Variants in PTPRJ observed in about 807,000 individuals in gnomAD.
PTPRJ encodes protein tyrosine phosphatase receptor type J, also known as receptor-type tyrosine-protein phosphatase eta.
Under a neutral mutation model 141.3 loss-of-function variants are expected in PTPRJ, and 129 were observed. That is an observed-to-expected ratio of 0.91 (90% CI 0.79 to 1.06). The LOEUF (loss-of-function observed/expected upper bound fraction) is 1.06, where lower values mean the gene tolerates loss of function less well. Ranked by LOEUF, PTPRJ falls within the 50% of genes least tolerant of loss-of-function variation. The pLI, the probability that PTPRJ is intolerant of heterozygous loss-of-function variation, is 0.00. For missense variants in PTPRJ, 1,601 were observed against 1,679.7 expected, an observed-to-expected ratio of 0.95 and a Z score of 0.82; for synonymous variants, 610 against 640.5, an observed-to-expected ratio of 0.95 and a Z score of 0.72.
intron 1 of PTPRJ, among the ~76,000 whole-genome samples, chr11:48,001,349 AGTGTGTGTGT>A (rs57503257): frequency 0.017 from 2,229 of 134,776 alleles, 43 homozygotes; most frequent in African/African-American, 0.039. Context: ...ACAGCCCCAA[AGTGTGTGTGT>A]GTGTGTGTGT....
At chr11:48,091,588 C>T (rs375445194) in intron 1 of PTPRJ, among the ~76,000 whole-genome samples, 1 of 152,168 alleles carries the variant, frequency 6.6e-6, no homozygotes, top group African/African-American at 2.4e-5. Flanking sequence ...TTGGCCTTCT[C>T]TAGGGGAAAA....
intron 1 of PTPRJ, among the ~76,000 whole-genome samples, chr11:48,052,351 C>A (rs949917504): frequency 6.6e-6 from 1 of 152,186 alleles, no homozygotes; most frequent in Admixed American, 6.5e-5. Flanking sequence ...ATTGCCTCTC[C>A]CTCGTTAATC....
Position 48,144,726 on chromosome 11 carries a change from A to C in PTPRJ, c.2627A>C (p.Lys876Thr). 6.2e-7 allele frequency: 1 copy of C among 1,614,180 alleles called. No individual in the cohort carries two copies. The highest frequency in any genetic ancestry group is 8.5e-7 in the Non-Finnish European group (1 of 1,179,998). The change falls in exon 13 of 25, where the codon AAG becomes ACG. Residue 876 changes from lysine (K) to threonine (T), a missense_variant. By Grantham distance (78) the Lys-to-Thr change is moderately conservative. Transcript: ENST00000418331. ...VLKYTYEDFKKGASDTYVTYL... is the reference protein window; with the variant it reads ...VLKYTYEDFKTGASDTYVTYL... ...AAATACACGTATGAGGATTTCAAAA[A>C]GGGAGCCTCAGATACTTATGTGACA...
At chr11:48,156,660 C>T (rs1857615184) in intron 21 of PTPRJ, among the ~76,000 whole-genome samples, 1 of 142,076 alleles carries the variant, frequency 7.0e-6, no homozygotes, top group Admixed American at 7.4e-5. Context: ...GTGGTGCGAT[C>T]ATGGCTCACT....
At chr11:48,068,667 G>A (rs754492181) in intron 1 of PTPRJ, among the ~76,000 whole-genome samples, 2 of 152,130 alleles carry the variant, frequency 1.3e-5, no homozygotes, top group East Asian at 1.9e-4. Flanking sequence ...CTGTAGTGAC[G>A]GCAAGAGCTC....
At chr11:48,069,765 T>C (rs1855192745) in intron 1 of PTPRJ, among the ~76,000 whole-genome samples, 1 of 152,186 alleles carries the variant, frequency 6.6e-6, no homozygotes, top group Non-Finnish European at 1.5e-5. Context: ...AATTAATTTG[T>C]TTATGGAAAG....
intron 1 of PTPRJ, among the ~76,000 whole-genome samples, chr11:48,096,577 G>A (rs771442356): frequency 9.6e-5 from 14 of 145,770 alleles, no homozygotes; most frequent in Non-Finnish European, 1.5e-4. Context: ...ATTAAAGAAC[G>A]TCTTCAATTT....
intron 1 of PTPRJ, among the ~76,000 whole-genome samples, chr11:47,995,180 A>T (rs1040338186): frequency 7.9e-5 from 12 of 152,228 alleles, no homozygotes; most frequent in Non-Finnish European, 1.5e-4. Flanking sequence ...AGCTCTGAAC[A>T]TATAATCTGG....
chr11:48,170,611 C>G lies in PTPRJ; in HGVS notation c.*3249C>G, dbSNP rs1858031788. The stretch of plus-strand genomic sequence containing the variant: ...TACTGTGTAGCAGCTGTGTGTTTAA[C>G]ATACTGTAGCTTTTTCTCCCTTGGG... On this transcript the variant is annotated 3_prime_UTR_variant, in exon 25 of 25. Coordinates refer to ENST00000418331, the MANE Select transcript of PTPRJ (RefSeq NM_002843.4). 2 of 152,322 alleles carry G rather than the reference C, an allele frequency of 1.3e-5. No homozygotes were observed. Among genetic ancestry groups the G allele is most frequent in the African/African-American group, 2.4e-5 (1 of 41,568 alleles). 9.4% of individuals were successfully genotyped at this position (152,322 alleles called of 1,614,324 possible).
Position 48,018,149 on chromosome 11 carries a change from T to G in PTPRJ, c.96+37141T>G, listed in dbSNP as rs985553473. Among the ~76,000 whole-genome samples, 3 of 152,158 alleles carry G rather than the reference T, an allele frequency of 2.0e-5. No individual in the cohort carries two copies. The South Asian group carries it at 6.2e-4, about 32-fold the overall frequency. On this transcript the variant is annotated intron_variant, in intron 1 of 24. Coordinates refer to ENST00000418331, the MANE Select transcript of PTPRJ (RefSeq NM_002843.4). ...CCTTCTAAGTAGCTTTATCATTTAA[T>G]GTTTTAGTATATTTCCTTCCTGTTT...
chr11:48,053,433 ATATAT>A (rs1854655302), intron 1 of PTPRJ, among the ~76,000 whole-genome samples: 1 of 112,862 alleles, frequency 8.9e-6, no homozygotes, highest in African/African-American at 3.5e-5. Flanking sequence ...TGTATAAAAT[ATATAT>A]TATATATTAT....
chr11:48,021,202 T>C (rs1056432439), intron 1 of PTPRJ, among the ~76,000 whole-genome samples: 4 of 151,816 alleles, frequency 2.6e-5, no homozygotes, highest in Non-Finnish European at 2.9e-5. Flanking sequence ...GGTGAAACCC[T>C]GTCTCTACTA....
At chr11:48,016,401 C>A (rs1854951348) in intron 1 of PTPRJ, among the ~76,000 whole-genome samples, 1 of 152,188 alleles carries the variant, frequency 6.6e-6, no homozygotes, top group Non-Finnish European at 1.5e-5. Flanking sequence ...CTTCACCCAC[C>A]AGGTGATGGC....
intron 1 of PTPRJ, among the ~76,000 whole-genome samples, chr11:48,068,511 G>A (rs12273602): frequency 0.024 from 3,597 of 152,212 alleles, 160 homozygotes; most frequent in African/African-American, 0.082. Context: ...CCCTTCCACC[G>A]TGATTGTGAG....
chr11:48,129,779 C>T lies in PTPRJ; in HGVS notation c.1358-680C>T, dbSNP rs988199129. On this transcript the variant is annotated intron_variant, in intron 7 of 24. Transcript: ENST00000418331. ...CCTGGGATCAGGAAGCTGCAGCCAC[C>T]GCTGAGGTTTTGGTTCTAGAGCCAG... 3.3e-5 allele frequency among the ~76,000 whole-genome samples: 5 copies of T among 152,050 alleles called. No individual in the cohort carries two copies. The East Asian group carries it at 5.8e-4, about 18-fold the overall frequency.
intron 1 of PTPRJ, among the ~76,000 whole-genome samples, chr11:48,090,095 C>T (rs574704356): frequency 2.6e-5 from 4 of 152,280 alleles, no homozygotes; most frequent in African/African-American, 9.6e-5. Context: ...TCCCCTCCCT[C>T]CCCCCAACCA....
At position 48,168,998 on chromosome 11, in the gene PTPRJ, T is replaced by C. The variant is rs1190385139; in HGVS notation, c.*1636T>C. 6.6e-6 allele frequency: 1 copy of C among 152,038 alleles called. No individual in the cohort carries two copies. Among genetic ancestry groups the C allele is most frequent in the Non-Finnish European group, 1.5e-5 (1 of 68,034 alleles). The allele number at this position is 152,038 out of a possible 1,614,324, so 9.4% of individuals were successfully genotyped here. On this transcript the variant is annotated 3_prime_UTR_variant, in exon 25 of 25. Transcript: ENST00000418331. ...TGTGTCCTGCTGTAAACAGGACAGG[T>C]GTGTCCTGTTGAGAATGTGAGCGGG...
At chr11:48,145,214 G>T in intron 14 of PTPRJ, 90 bp downstream of exon 14, 1 of 1,550,362 alleles carries the variant, frequency 6.5e-7, no homozygotes. Context: ...GCCTCCCTCA[G>T]ACCTTCAGGA....
chr11:48,003,341 A>G (rs77684932), intron 1 of PTPRJ, among the ~76,000 whole-genome samples: 15,370 of 152,198 alleles, frequency 0.1, 1,030 homozygotes, highest in Non-Finnish European at 0.13. Flanking sequence ...TAATTTCCAG[A>G]TATCTTTCTG....
Sources: allele counts gnomAD v4.1 joint callset (sites outside exome capture counted in the v4.1 genomes callset), GRCh38; gene constraint gnomAD v4.1.1; transcripts MANE v1.5; gene names NCBI Gene and HGNC (gene_info 2026-07-23, HGNC 2026-07-21).